BRIP1: variants seen among roughly 807,000 people sequenced by gnomAD.
BRIP1 encodes the protein Fanconi anemia group J protein.
A neutral mutation model predicts 119.7 loss-of-function variants in BRIP1; 88 were observed. The observed-to-expected ratio is 0.74, with a 90% CI of 0.62 to 0.88. BRIP1 has a LOEUF of 0.88. Ranked by LOEUF, BRIP1 falls within the 40% of genes least tolerant of loss-of-function variation. The probability of loss-of-function intolerance (pLI) is 0.00; values close to 1 mark genes in which losing one functional copy is unlikely to be tolerated. For missense variants in BRIP1, 1,259 were observed against 1,455.4 expected (o/e 0.87, Z 2.20); for synonymous variants, 443 against 496.5 (o/e 0.89, Z 1.43).
chr17:61,824,159 T>C lies in BRIP1; in HGVS notation c.628-15402A>G, dbSNP rs1048437457. Reference sequence around the variant, plus strand: ...CAGCCACAGATTACTCTATAGAAACTATGTAAGACAAGCCAAGGGCAGAAT... The same window carrying C: ...CAGCCACAGATTACTCTATAGAAACCATGTAAGACAAGCCAAGGGCAGAAT... On this transcript the variant is annotated intron_variant, in intron 6 of 19. Transcript: ENST00000259008. The surrounding 1 kb of genome is among the most constrained non-coding windows in gnomAD (Gnocchi z 4.3). Among the ~76,000 whole-genome samples, 10 of 152,226 alleles carry C rather than the reference T, an allele frequency of 6.6e-5. No individual in the cohort carries two copies. The highest frequency in any genetic ancestry group is 2.2e-4 in the African/African-American group (9 of 41,546).
rs1271583572 is a variant in BRIP1, at chr17:61,690,053, G to A, written c.2575+3377C>T. On this transcript the variant is annotated intron_variant, in intron 18 of 19. Coordinates refer to ENST00000259008, the MANE Select transcript of BRIP1 (RefSeq NM_032043.3). This position sits in a 1 kb window ranked among gnomAD's most constrained non-coding sequence, Gnocchi z 5.6. ...GCGACATCTTGCATGCTGTAAGGAA[G>A]TGGGATGACATGTTTGAAGTGCTGA... 6.6e-6 allele frequency among the ~76,000 whole-genome samples: 1 copy of A among 152,184 alleles called. No homozygotes were observed. Among genetic ancestry groups the A allele is most frequent in the Non-Finnish European group, 1.5e-5 (1 of 68,022 alleles).
rs1274195780 is a variant in BRIP1, at chr17:61,773,084, AAAC to A, written c.2097+3314_2097+3316del. 1.3e-4 allele frequency among the ~76,000 whole-genome samples: 20 copies of A among 152,168 alleles called. No homozygotes were observed. In the South Asian group the frequency reaches 2.1e-3, roughly 16 times the overall value. On this transcript the variant is annotated intron_variant, in intron 14 of 19. Transcript: ENST00000259008. Reference sequence around the variant, plus strand: ...AAAAGAAATTAAAGAATTTAATGACAAACAACAAGGTTTTAATGATATGTATTA... The same window carrying A: ...AAAAGAAATTAAAGAATTTAATGACAAACAAGGTTTTAATGATATGTATTA...
rs1471548618 is a variant in BRIP1, at chr17:61,857,666, A to G, written c.206-435T>C. The stretch of plus-strand genomic sequence containing the variant: ...TTGAACCTGGGAGGCAGAGGTAGCA[A>G]TGAGCAGAGGTCATGCCACTGCACT... On this transcript the variant is annotated intron_variant, in intron 3 of 19. Coordinates refer to ENST00000259008, the MANE Select transcript of BRIP1 (RefSeq NM_032043.3). The surrounding 1 kb of genome is among the most constrained non-coding windows in gnomAD (Gnocchi z 5.1). Among the ~76,000 whole-genome samples, 1 of 152,126 alleles carries G rather than the reference A, an allele frequency of 6.6e-6. No homozygotes were observed. Among genetic ancestry groups the G allele is most frequent in the Non-Finnish European group, 1.5e-5 (1 of 67,994 alleles).
rs2078226280 is a variant in BRIP1, at chr17:61,815,692, A to C, written c.628-6935T>G. ...CACAATAAATTTGTGGAGAAGTTGA[A>C]ATTCATAACCTTAAATCTTTAAAGT... On this transcript the variant is annotated intron_variant, in intron 6 of 19. Coordinates refer to ENST00000259008, the MANE Select transcript of BRIP1 (RefSeq NM_032043.3). This position sits in a 1 kb window ranked among gnomAD's most constrained non-coding sequence, Gnocchi z 4.1. Among the ~76,000 whole-genome samples the C allele has an allele frequency of 6.6e-6, 1 of 152,222 alleles. No homozygotes were observed. Among genetic ancestry groups the C allele is most frequent in the African/African-American group, 2.4e-5 (1 of 41,468 alleles).
chr17:61,800,241 G>A (rs546538963), intron 8 of BRIP1, among the ~76,000 whole-genome samples: 128 of 152,184 alleles, frequency 8.4e-4, no homozygotes, highest in Non-Finnish European at 1.5e-3. Flanking sequence ...CTAATACAAG[G>A]AACTGTCACA....
At chr17:61,733,818 C>T (rs905433626) in intron 16 of BRIP1, among the ~76,000 whole-genome samples, 1 of 151,416 alleles carries the variant, frequency 6.6e-6, no homozygotes, top group African/African-American at 2.4e-5. Context: ...ACCAAAAAAA[C>T]CCACAAATAT....
intron 6 of BRIP1, among the ~76,000 whole-genome samples, chr17:61,829,293 A>G (rs920385344): frequency 6.6e-6 from 1 of 152,156 alleles, no homozygotes; most frequent in Non-Finnish European, 1.5e-5. Context: ...GAGTGGCTAT[A>G]TCAATGTTAG....
In BRIP1 at chr17:61,706,240, G is replaced by T. The variant is rs968204285; in HGVS notation, c.2492+9711C>A. Among the ~76,000 whole-genome samples, 1 of 151,964 alleles carries T rather than the reference G, an allele frequency of 6.6e-6. No individual in the cohort carries two copies. Among genetic ancestry groups the T allele is most frequent in the Non-Finnish European group, 1.5e-5 (1 of 67,948 alleles). The stretch of plus-strand genomic sequence containing the variant: ...TACAGTTACTTGAGCTAGATCATTG[G>T]TATTTTGAATTCTGGTCTCCTTTCT... On this transcript the variant is annotated intron_variant, in intron 17 of 19. Transcript: ENST00000259008. The surrounding 1 kb of genome is among the most constrained non-coding windows in gnomAD (Gnocchi z 5.7).
rs949617931 is a variant in BRIP1, at chr17:61,853,415, T to C, written c.379+3643A>G. ...TTTTTTTTAATCTATGTAGTAGTTATGACAGTGAAAATTCATCAAGTTATA... is the reference window on the plus strand; with the variant it reads ...TTTTTTTTAATCTATGTAGTAGTTACGACAGTGAAAATTCATCAAGTTATA... On this transcript the variant is annotated intron_variant, in intron 4 of 19. Transcript: ENST00000259008. The surrounding 1 kb of genome is among the most constrained non-coding windows in gnomAD (Gnocchi z 4.3). 6.6e-5 allele frequency among the ~76,000 whole-genome samples: 10 copies of C among 152,008 alleles called. No homozygotes were observed. Among genetic ancestry groups the C allele is most frequent in the African/African-American group, 1.7e-4 (7 of 41,386 alleles).
chr17:61,721,129 A>C (rs567502419), intron 16 of BRIP1, among the ~76,000 whole-genome samples: 4 of 152,188 alleles, frequency 2.6e-5, no homozygotes, highest in Admixed American at 2.6e-4. Context: ...GGCGTGAGCC[A>C]CTGTGCCCAG....
chr17:61,714,458 A>G (rs1256488861), intron 17 of BRIP1, among the ~76,000 whole-genome samples: 1 of 152,148 alleles, frequency 6.6e-6, no homozygotes, highest in South Asian at 2.1e-4. Flanking sequence ...ACAATTGTCT[A>G]TAGTACAGTA....
Position 61,831,348 on chromosome 17 carries a change from A to C in BRIP1, c.627+15753T>G, listed in dbSNP as rs2078489841. Among the ~76,000 whole-genome samples the C allele has an allele frequency of 1.3e-5, 2 of 152,244 alleles. No individual in the cohort carries two copies. Among genetic ancestry groups the C allele is most frequent in the Non-Finnish European group, 2.9e-5 (2 of 68,038 alleles). On this transcript the variant is annotated intron_variant, in intron 6 of 19. Coordinates refer to ENST00000259008, the MANE Select transcript of BRIP1 (RefSeq NM_032043.3). This position sits in a 1 kb window ranked among gnomAD's most constrained non-coding sequence, Gnocchi z 4.1. ...AACTTTGGGTACTTAGAAAGTCCTA[A>C]AGAAACTCCAAAAATATCAACTAGA...
In BRIP1 at chr17:61,848,862, T is replaced by C. The variant is rs2078772496; in HGVS notation, c.507+267A>G. The stretch of plus-strand genomic sequence containing the variant: ...TACAAAGTAGTATATCACTAAGATA[T>C]GCCTTAAGTAAATATTTTACTATCA... On this transcript the variant is annotated intron_variant, in intron 5 of 19. Transcript: ENST00000259008. The surrounding 1 kb of genome is among the most constrained non-coding windows in gnomAD (Gnocchi z 4.3). Among the ~76,000 whole-genome samples the C allele has an allele frequency of 6.6e-6, 1 of 152,202 alleles. No individual in the cohort carries two copies. Among genetic ancestry groups the C allele is most frequent in the Non-Finnish European group, 1.5e-5 (1 of 68,034 alleles).
At chr17:61,737,402 A>G (rs2076933020) in intron 16 of BRIP1, among the ~76,000 whole-genome samples, 1 of 152,170 alleles carries the variant, frequency 6.6e-6, no homozygotes, top group African/African-American at 2.4e-5. Flanking sequence ...GGAATCAAAT[A>G]TCTAAATTAA....
rs1438877900 is a variant in BRIP1, at chr17:61,758,675, C to T, written c.2098-14084G>A. Among the ~76,000 whole-genome samples, 2 of 151,958 alleles carry T rather than the reference C, an allele frequency of 1.3e-5. No homozygotes were observed. Among genetic ancestry groups the T allele is most frequent in the African/African-American group, 4.8e-5 (2 of 41,372 alleles). On this transcript the variant is annotated intron_variant, in intron 14 of 19. Coordinates refer to ENST00000259008, the MANE Select transcript of BRIP1 (RefSeq NM_032043.3). This position sits in a 1 kb window ranked among gnomAD's most constrained non-coding sequence, Gnocchi z 5.3. ...GAAATAAAGAAACAAAGTACCTACA[C>T]AACAACTAGAAAATAATTCACAATG...
At chr17:61,800,933 A>G (rs1603342945) in intron 8 of BRIP1, among the ~76,000 whole-genome samples, 1 of 152,340 alleles carries the variant, frequency 6.6e-6, no homozygotes, top group East Asian at 1.9e-4. Flanking sequence ...ATTCCCCCAC[A>G]TAAGTTCTTC....
In BRIP1 at chr17:61,808,338, T is replaced by C; in HGVS notation, c.918+129A>G. The C allele has an allele frequency of 1.1e-6, 1 of 940,028 alleles. No homozygotes were observed. Among genetic ancestry groups the C allele is most frequent in the South Asian group, 1.5e-5 (1 of 65,674 alleles). 58.2% of individuals were successfully genotyped at this position (940,028 alleles called of 1,614,324 possible). A position where few individuals can be genotyped will look rare whatever the true frequency, so the allele number is the denominator to read the frequency against. ...TACAGGAAAATTGTTTTTTAAAAGA[T>C]ATCAATACTAGCAGTTAATTTGATT... On this transcript the variant is annotated intron_variant, in intron 7 of 19. Coordinates refer to ENST00000259008, the MANE Select transcript of BRIP1 (RefSeq NM_032043.3). The surrounding 1 kb of genome is among the most constrained non-coding windows in gnomAD (Gnocchi z 4.1).
In BRIP1 at chr17:61,793,792, A is replaced by G. The variant is rs2145247383; in HGVS notation, c.1341-63T>C. 4.6e-6 allele frequency: 7 copies of G among 1,520,126 alleles called. No homozygotes were observed. In the South Asian group the frequency reaches 8.2e-5, roughly 18 times the overall value. The allele number at this position is 1,520,126 out of a possible 1,614,324, so 94.2% of individuals were successfully genotyped here. A position where few individuals can be genotyped will look rare whatever the true frequency, so the allele number is the denominator to read the frequency against. On this transcript the variant is annotated intron_variant, in intron 9 of 19. Coordinates refer to ENST00000259008, the MANE Select transcript of BRIP1 (RefSeq NM_032043.3). This position sits in a 1 kb window ranked among gnomAD's most constrained non-coding sequence, Gnocchi z 5.2. ...TCCTTACACACACTATTTCAGCAGA[A>G]CAAGAGAATCATCATTATTGTCATG...
chr17:61,850,101 C>G (rs1419729674), intron 4 of BRIP1, among the ~76,000 whole-genome samples: 1 of 139,724 alleles, frequency 7.2e-6, no homozygotes. Flanking sequence ...CTTTTTTAAC[C>G]ATCTTTTTTT....
Sources: gnomAD v4.1 joint callset for allele counts (sites outside exome capture counted in the v4.1 genomes callset) on GRCh38, gnomAD v4.1.1 for gene constraint, Gnocchi (gnomAD v3.1) non-coding constraint, MANE v1.5 for transcripts, NCBI Gene and HGNC (gene_info 2026-07-23, HGNC 2026-07-21) for gene names.